Variants in BTBD9 observed in about 807,000 individuals in gnomAD.
BTBD9 encodes BTB/POZ domain-containing protein 9.
In BTBD9, 49 loss-of-function variants were observed where a neutral mutation model predicts 64.3. That is an observed-to-expected ratio of 0.76 (90% CI 0.61 to 0.97). BTBD9 has a LOEUF of 0.97. Among genes scored for constraint, BTBD9 ranks in the 50% least tolerant of loss-of-function variants. The probability of loss-of-function intolerance (pLI) is 0.00; values close to 1 mark genes in which losing one functional copy is unlikely to be tolerated. For missense variants in BTBD9, 598 were observed against 762.1 expected, an observed-to-expected ratio of 0.78 and a Z score of 2.53; for synonymous variants, 260 against 274.7, an observed-to-expected ratio of 0.95 and a Z score of 0.53.
chr6:38,440,016 T>C (rs1461928470), intron 6 of BTBD9, among the ~76,000 whole-genome samples: 5 of 152,176 alleles, frequency 3.3e-5, no homozygotes, highest in Non-Finnish European at 7.3e-5. Context: ...CTCAGGAGTA[T>C]GGCTTTGTTT....
At chr6:38,246,232 A>AT (rs1764195173) in intron 9 of BTBD9, among the ~76,000 whole-genome samples, 1 of 152,230 alleles carries the variant, frequency 6.6e-6, no homozygotes, top group African/African-American at 2.4e-5. Context: ...AATACAAAAG[A>AT]TAAGTCCCCT....
intron 6 of BTBD9, among the ~76,000 whole-genome samples, chr6:38,450,380 G>A (rs573490993): frequency 2.6e-4 from 40 of 152,060 alleles, no homozygotes; most frequent in Non-Finnish European, 4.4e-4. Flanking sequence ...GACGATTTAC[G>A]GCATTCTTGA....
chr6:38,318,621 A>G (rs996167609), intron 7 of BTBD9, among the ~76,000 whole-genome samples: 4 of 152,216 alleles, frequency 2.6e-5, no homozygotes, highest in African/African-American at 9.6e-5. Flanking sequence ...TCTCAAACAA[A>G]TATAGTCTCT....
At position 38,639,837 on chromosome 6, in the gene BTBD9, A is replaced by T. The variant is rs1778668308; in HGVS notation, c.-65T>A. 2 of 151,682 alleles carry T rather than the reference A, an allele frequency of 1.3e-5. No homozygotes were observed. The highest frequency in any genetic ancestry group is 1.3e-4 in the Admixed American group (2 of 15,252). 9.4% of individuals were successfully genotyped at this position (151,682 alleles called of 1,614,324 possible). A position where few individuals can be genotyped will look rare whatever the true frequency, so the allele number is the denominator to read the frequency against. ...CCTCTGAGACCAAGCTGCGACACAG[A>T]CGCCTCTTCCGCCCGCTCCGCACCC... On this transcript the variant is annotated 5_prime_UTR_variant, in exon 1 of 11. Coordinates refer to ENST00000481247, the MANE Select transcript of BTBD9 (RefSeq NM_001099272.2).
chr6:38,404,704 C>A (rs1403822110), intron 6 of BTBD9, among the ~76,000 whole-genome samples: 1 of 152,152 alleles, frequency 6.6e-6, no homozygotes, highest in Non-Finnish European at 1.5e-5. Context: ...CTAGTTGTTA[C>A]TGCAGATAAG....
chr6:38,439,587 C>A (rs2127310689), intron 6 of BTBD9, among the ~76,000 whole-genome samples: 1 of 151,998 alleles, frequency 6.6e-6, no homozygotes, highest in East Asian at 1.9e-4. Context: ...CCACCATGGC[C>A]ATCTAATTTT....
At chr6:38,215,526 T>A (rs1206752485) in intron 9 of BTBD9, among the ~76,000 whole-genome samples, 1 of 152,228 alleles carries the variant, frequency 6.6e-6, no homozygotes, top group African/African-American at 2.4e-5. Context: ...ACGTCGCACA[T>A]ACCCATTGGC....
intron 9 of BTBD9, among the ~76,000 whole-genome samples, chr6:38,241,569 C>T (rs1367215464): frequency 6.6e-6 from 1 of 152,198 alleles, no homozygotes; most frequent in Non-Finnish European, 1.5e-5. Flanking sequence ...AGAAAGCACT[C>T]GCAAACTCCC....
In BTBD9 at chr6:38,184,814, T is replaced by C. The variant is rs1029656408; in HGVS notation, c.1641+7705A>G. ...GTTTCCCTGTTTTGTTTTTTTCCAT[T>C]AGAGCCACATGTTGCTATGGGAACG... On this transcript the variant is annotated intron_variant, in intron 10 of 10. Coordinates refer to ENST00000481247, the MANE Select transcript of BTBD9 (RefSeq NM_001099272.2). This position sits in a 1 kb window ranked among gnomAD's most constrained non-coding sequence, Gnocchi z 4.4. 6.6e-6 allele frequency among the ~76,000 whole-genome samples: 1 copy of C among 152,122 alleles called. No individual in the cohort carries two copies. Among genetic ancestry groups the C allele is most frequent in the Non-Finnish European group, 1.5e-5 (1 of 68,006 alleles).
rs562975054 is a variant in BTBD9 at position 38,429,675 on chromosome 6, C to T, written c.1155-84582G>A. Among the ~76,000 whole-genome samples the T allele has an allele frequency of 4.7e-4, 72 of 151,956 alleles. 1 individual carries two copies. The highest frequency in any genetic ancestry group is 8.3e-4 in the South Asian group (4 of 4,810). On this transcript the variant is annotated intron_variant, in intron 6 of 10. Coordinates refer to ENST00000481247, the MANE Select transcript of BTBD9 (RefSeq NM_001099272.2). ...TAAAACCCTAAAGGAAAATCTATTT[C>T]GGAATGACTTATTTTCAGAAAATTC...
intron 6 of BTBD9, among the ~76,000 whole-genome samples, chr6:38,493,213 A>C (rs1771782066): frequency 2.0e-5 from 3 of 152,248 alleles, no homozygotes. Flanking sequence ...TTATGCCTAC[A>C]AACACAGAAC....
intron 6 of BTBD9, among the ~76,000 whole-genome samples, chr6:38,531,159 T>A (rs1008173460): frequency 6.6e-6 from 1 of 152,150 alleles, no homozygotes; most frequent in Non-Finnish European, 1.5e-5. Flanking sequence ...GAAGACTACC[T>A]GAACACATTT....
rs561001826 is a variant in BTBD9, at chr6:38,514,397, T to C, written c.1154+63203A>G. Among the ~76,000 whole-genome samples the C allele has an allele frequency of 2.0e-5, 3 of 152,364 alleles. No homozygotes were observed. In the East Asian group the frequency reaches 5.8e-4, roughly 29 times the overall value. Reference sequence around the variant, plus strand: ...CATTTCTAATAAAGAGCTGTAATTGTCAATACCACTGTTATTTTACCTTTA... The same window carrying C: ...CATTTCTAATAAAGAGCTGTAATTGCCAATACCACTGTTATTTTACCTTTA... On this transcript the variant is annotated intron_variant, in intron 6 of 10. Coordinates refer to ENST00000481247, the MANE Select transcript of BTBD9 (RefSeq NM_001099272.2).
intron 6 of BTBD9, among the ~76,000 whole-genome samples, chr6:38,370,833 G>C (rs1007382027): frequency 6.6e-6 from 1 of 152,192 alleles, no homozygotes; most frequent in East Asian, 1.9e-4. Flanking sequence ...GGAGTCATGG[G>C]TTTCCCTGGA....
intron 8 of BTBD9, among the ~76,000 whole-genome samples, chr6:38,262,710 T>G (rs900503932): frequency 2.6e-5 from 4 of 152,230 alleles, no homozygotes; most frequent in Non-Finnish European, 4.4e-5. Context: ...GTCTTTAAAA[T>G]AGTTGCTCTC....
chr6:38,410,743 G>A (rs1020979148), intron 6 of BTBD9, among the ~76,000 whole-genome samples: 7 of 151,882 alleles, frequency 4.6e-5, no homozygotes, highest in East Asian at 2.0e-4. Flanking sequence ...GTCATGTCAC[G>A]AGGGCCGGGT....
At position 38,511,582 on chromosome 6, in the gene BTBD9, A is replaced by G. The variant is rs1045897677; in HGVS notation, c.1154+66018T>C. ...GGTCTCGAACTCCTGAGCTCAAGCC[A>G]ACTGCCTGCTTGGCCTCCCAAAGTG... On this transcript the variant is annotated intron_variant, in intron 6 of 10. Transcript: ENST00000481247. Among the ~76,000 whole-genome samples, 30 of 151,892 alleles carry G rather than the reference A, an allele frequency of 2.0e-4. 1 individual carries two copies. The highest frequency in any genetic ancestry group is 1.5e-5 in the Non-Finnish European group (1 of 67,980).
At chr6:38,249,473 T>G (rs962669812) in intron 9 of BTBD9, among the ~76,000 whole-genome samples, 3 of 152,082 alleles carry the variant, frequency 2.0e-5, no homozygotes, top group African/African-American at 7.2e-5. Flanking sequence ...ACTATGTTGC[T>G]GGGGCTGGTC....
At chr6:38,195,814 G>A (rs188706371) in intron 9 of BTBD9, among the ~76,000 whole-genome samples, 3 of 151,692 alleles carry the variant, frequency 2.0e-5, no homozygotes, top group East Asian at 3.9e-4. Context: ...AACTATACAC[G>A]TATGTATTAA....
Sources: allele counts gnomAD v4.1 joint callset (sites outside exome capture counted in the v4.1 genomes callset), GRCh38; gene constraint gnomAD v4.1.1; non-coding constraint Gnocchi (gnomAD v3.1); transcripts MANE v1.5; gene names NCBI Gene and HGNC (gene_info 2026-07-23, HGNC 2026-07-21).